LUZP2: variants seen among roughly 807,000 people sequenced by gnomAD.
The protein encoded by LUZP2 is leucine zipper protein 2.
A neutral mutation model predicts 51.6 loss-of-function variants in LUZP2; 52 were observed. That is an observed-to-expected ratio of 1.01 (90% CI 0.81 to 1.27). The LOEUF is 1.27. Among genes scored for constraint, LUZP2 ranks in the 50% most tolerant of loss-of-function variants. The pLI is 0.00. For missense variants in LUZP2, 436 were observed against 395.4 expected (o/e 1.10, Z -0.87); for synonymous variants, 154 against 137.3 (o/e 1.12, Z -0.85).
At chr11:24,564,537 C>T (rs879481046) in intron 1 of LUZP2, among the ~76,000 whole-genome samples, 7 of 151,956 alleles carry the variant, frequency 4.6e-5, no homozygotes, top group Non-Finnish European at 1.0e-4. Flanking sequence ...GATATAGAAC[C>T]TTTCACTATA....
intron 1 of LUZP2, among the ~76,000 whole-genome samples, chr11:24,707,041 AAG>A (rs1857613220): frequency 2.0e-5 from 3 of 151,882 alleles, no homozygotes; most frequent in African/African-American, 4.8e-5. Flanking sequence ...AGATGAAGAA[AAG>A]AGAGAAGAAA....
chr11:24,692,131 C>T (rs1429614393), intron 1 of LUZP2, among the ~76,000 whole-genome samples: 3 of 151,546 alleles, frequency 2.0e-5, no homozygotes, highest in Non-Finnish European at 4.4e-5. Flanking sequence ...TTCACTATCA[C>T]CCACTTATGC....
In LUZP2 at chr11:24,926,286, TAC is replaced by T. The variant is rs1439938585; in HGVS notation, c.522+11749_522+11750del. ...GTATATATATACGTGTATATATATATACGTGTGTATATATATACGTGTGTATA... is the reference window on the plus strand; with the variant it reads ...GTATATATATACGTGTATATATATATGTGTGTATATATATACGTGTGTATA... On this transcript the variant is annotated intron_variant, in intron 7 of 11. Transcript: ENST00000336930. 4.4e-4 allele frequency among the ~76,000 whole-genome samples: 56 copies of T among 126,330 alleles called. 3 individuals are homozygous for T. Among genetic ancestry groups the T allele is most frequent in the African/African-American group, 1.7e-3 (54 of 32,054 alleles). The allele number at this position is 126,330 out of a possible 152,430, so 82.9% of individuals were successfully genotyped here. A position where few individuals can be genotyped will look rare whatever the true frequency, so the allele number is the denominator to read the frequency against.
At chr11:25,004,045 C>T (rs1237536240) in intron 9 of LUZP2, among the ~76,000 whole-genome samples, 2 of 152,108 alleles carry the variant, frequency 1.3e-5, no homozygotes, top group African/African-American at 4.8e-5. Flanking sequence ...ATACCAGTGT[C>T]CAGGAGGAAG....
chr11:24,951,512 A>G (rs1237205128), intron 7 of LUZP2, among the ~76,000 whole-genome samples: 1 of 151,616 alleles, frequency 6.6e-6, no homozygotes, highest in Non-Finnish European at 1.5e-5. Flanking sequence ...AATTATAAGC[A>G]TTTACGATTG....
chr11:24,500,724 G>T (rs7109828), intron 1 of LUZP2, among the ~76,000 whole-genome samples: 50,198 of 151,918 alleles, frequency 0.33, 8,383 homozygotes, highest in East Asian at 0.46. Flanking sequence ...AGGAGTGAAG[G>T]TCTATTGACT....
chr11:24,729,640 G>T (rs1011066463), intron 2 of LUZP2, among the ~76,000 whole-genome samples: 1 of 151,786 alleles, frequency 6.6e-6, no homozygotes, highest in Non-Finnish European at 1.5e-5. Context: ...AATTCCCCAC[G>T]GGATAATTCT....
chr11:24,707,986 C>G (rs1221799376), intron 1 of LUZP2, among the ~76,000 whole-genome samples: 1 of 152,010 alleles, frequency 6.6e-6, no homozygotes, highest in Non-Finnish European at 1.5e-5. Flanking sequence ...ACAGGCTAAA[C>G]TAATTCTGAC....
In LUZP2 at chr11:24,600,685, A is replaced by G. The variant is rs141220530; in HGVS notation, c.62+103380A>G. Among the ~76,000 whole-genome samples the G allele has an allele frequency of 2.2e-3, 339 of 152,202 alleles. 1 individual carries two copies. The highest frequency in any genetic ancestry group is 3.4e-3 in the Non-Finnish European group (231 of 68,004). On this transcript the variant is annotated intron_variant, in intron 1 of 11. Coordinates refer to ENST00000336930, the MANE Select transcript of LUZP2 (RefSeq NM_001009909.4). ...TTGCTTCCTACCATTTTTAATATTA[A>G]GTAAGATTATGTGTCTTAAAGGCCT...
In LUZP2 at chr11:24,914,541, G is replaced by A. The variant is rs757122751; in HGVS notation, c.522+3G>A. 7 of 1,597,604 alleles carry A rather than the reference G, an allele frequency of 4.4e-6. No individual in the cohort carries two copies. The African/African-American group carries it at 8.1e-5, about 19-fold the overall frequency. The stretch of plus-strand genomic sequence containing the variant: ...GGAAGAAGGATTTATTATTTAAGGT[G>A]AGTCTCTTTTCTCTCTTTTCCCTGA... On this transcript the variant is annotated splice_donor_region_variant and intron_variant, in intron 7 of 11. Transcript: ENST00000336930.
chr11:24,543,366 A>G (rs919384901), intron 1 of LUZP2, among the ~76,000 whole-genome samples: 1 of 151,990 alleles, frequency 6.6e-6, no homozygotes, highest in African/African-American at 2.4e-5. Context: ...ATGCAATTTT[A>G]TTTTATTCTC....
chr11:24,569,389 T>C (rs1300500685), intron 1 of LUZP2, among the ~76,000 whole-genome samples: 1 of 152,070 alleles, frequency 6.6e-6, no homozygotes, highest in Non-Finnish European at 1.5e-5. Flanking sequence ...TTATTGTTGA[T>C]ATAAATCACA....
chr11:24,766,924 G>A (rs760740383), intron 5 of LUZP2, among the ~76,000 whole-genome samples: 14 of 151,964 alleles, frequency 9.2e-5, no homozygotes, highest in Non-Finnish European at 7.4e-5. Flanking sequence ...ACCAAACCCA[G>A]CTAATTTCTA....
intron 1 of LUZP2, among the ~76,000 whole-genome samples, chr11:24,602,280 A>ATATG (rs1491119402): frequency 7.1e-5 from 6 of 84,038 alleles, no homozygotes; most frequent in Non-Finnish European, 1.5e-4. Flanking sequence ...ATACATATAT[A>ATATG]CACACATATA....
intron 1 of LUZP2, among the ~76,000 whole-genome samples, chr11:24,655,255 T>C (rs958292043): frequency 5.3e-5 from 8 of 152,192 alleles, no homozygotes; most frequent in African/African-American, 1.9e-4. Flanking sequence ...GTTAAAGATA[T>C]GAAAATGATT....
At chr11:24,990,683 G>T (rs905502298) in intron 9 of LUZP2, among the ~76,000 whole-genome samples, 3 of 152,026 alleles carry the variant, frequency 2.0e-5, no homozygotes, top group East Asian at 1.9e-4. Flanking sequence ...CACATATTTG[G>T]TGATCTTATT....
intron 1 of LUZP2, among the ~76,000 whole-genome samples, chr11:24,555,977 C>CA (rs1044143062): frequency 7.9e-5 from 12 of 151,768 alleles, no homozygotes; most frequent in Non-Finnish European, 1.6e-4. Context: ...GAGCCTGTCT[C>CA]AAAAAAAAGA....
Position 24,816,188 on chromosome 11 carries a change from C to T in LUZP2, c.396+52880C>T, listed in dbSNP as rs181980436. Among the ~76,000 whole-genome samples the T allele has an allele frequency of 5.5e-4, 83 of 152,078 alleles. 1 individual carries two copies. Among genetic ancestry groups the T allele is most frequent in the Admixed American group, 1.5e-3 (23 of 15,276 alleles). The stretch of plus-strand genomic sequence containing the variant: ...CCTGGCTTGCAGTAAGCACACCCCA[C>T]GTGGTAGTTAGAATGATCTGAACAA... On this transcript the variant is annotated intron_variant, in intron 5 of 11. Coordinates refer to ENST00000336930, the MANE Select transcript of LUZP2 (RefSeq NM_001009909.4).
chr11:24,566,772 T>C lies in LUZP2; in HGVS notation c.62+69467T>C, dbSNP rs149612705. ...TATGTATACATATTTATGTATAAGG[T>C]ATATATACATATATATAATGTATAT... On this transcript the variant is annotated intron_variant, in intron 1 of 11. Coordinates refer to ENST00000336930, the MANE Select transcript of LUZP2 (RefSeq NM_001009909.4). Among the ~76,000 whole-genome samples the C allele has an allele frequency of 9.9e-3, 1,445 of 146,118 alleles. 19 individuals carry two copies. Among genetic ancestry groups the C allele is most frequent in the African/African-American group, 0.035 (1,394 of 40,182 alleles).
Sources: gnomAD v4.1 joint callset for allele counts (sites outside exome capture counted in the v4.1 genomes callset) on GRCh38, gnomAD v4.1.1 for gene constraint, MANE v1.5 for transcripts, NCBI Gene and HGNC (gene_info 2026-07-23, HGNC 2026-07-21) for gene names.